The following POLD1 variants were observed in gnomAD, a reference collection of about 807,000 sequenced individuals.
POLD1 encodes the protein DNA polymerase delta 1, catalytic subunit.
A neutral mutation model predicts 129.7 loss-of-function variants in POLD1; 79 were observed. The ratio of observed to expected loss-of-function variants is 0.61; its 90% CI spans 0.51 to 0.73. POLD1 has a LOEUF of 0.73. Ranked by LOEUF, POLD1 falls within the 30% of genes least tolerant of loss-of-function variation. The probability of loss-of-function intolerance (pLI) is 0.00; values close to 1 mark genes in which losing one functional copy is unlikely to be tolerated. For missense variants in POLD1, 1,338 were observed against 1,595.8 expected (o/e 0.84, Z 2.75); for synonymous variants, 714 against 683.3 (o/e 1.04, Z -0.70).
intron 18 of POLD1, 57 bp from the exon 19 acceptor site, chr19:50,413,685 C>A (rs1422277215): frequency 1.3e-6 from 2 of 1,561,040 alleles, no homozygotes; most frequent in Admixed American, 1.8e-5. Flanking sequence ...CCCCCGACAC[C>A]AGTAGTTGAC....
At chr19:50,405,621 C>T (rs1028609866) in intron 10 of POLD1, among the ~76,000 whole-genome samples, 55 of 152,252 alleles carry the variant, frequency 3.6e-4, no homozygotes, top group African/African-American at 1.2e-3. Flanking sequence ...TCTTAGGACC[C>T]CCAGTGTATA....
intron 1 of POLD1, among the ~76,000 whole-genome samples, chr19:50,384,949 C>T (rs1378919059): frequency 1.3e-5 from 2 of 152,034 alleles, no homozygotes; most frequent in African/African-American, 4.8e-5. Context: ...GTGCAAAGCC[C>T]TGAGGTGGAA....
chr19:50,417,751 G>T (rs1601253299), intron 26 of POLD1, 91 bp from the exon 27 acceptor site: 4 of 746,690 alleles, frequency 5.4e-6, no homozygotes, highest in South Asian at 1.5e-5. Flanking sequence ...AGCAGGCGGG[G>T]ACCAAAGTCC....
In POLD1 at chr19:50,400,840, G is replaced by T. The variant is rs577671563; in HGVS notation, c.317-938G>T. On this transcript the variant is annotated intron_variant, in intron 3 of 26. Coordinates refer to ENST00000440232, the MANE Select transcript of POLD1 (RefSeq NM_002691.4). ...GCCTCCCGAGTTGCTGGGACTACAG[G>T]CACCCGCCCCAACTCCTGGCTAATT... is the stretch of plus-strand genomic sequence containing the variant. Among the ~76,000 whole-genome samples, 226 of 151,526 alleles carry T rather than the reference G, an allele frequency of 1.5e-3. 1 individual carries two copies. Among genetic ancestry groups the T allele is most frequent in the African/African-American group, 5.2e-3 (215 of 41,368 alleles).
rs957747242 is a variant in POLD1, at chr19:50,399,312, A to G, written c.203-59A>G. The G allele has an allele frequency of 2.8e-6, 4 of 1,416,822 alleles. No individual in the cohort carries two copies. The African/African-American group carries it at 4.3e-5, about 15-fold the overall frequency. The allele number at this position is 1,416,822 out of a possible 1,614,324, so 87.8% of individuals were successfully genotyped here. On this transcript the variant is annotated intron_variant, in intron 2 of 26. Coordinates refer to ENST00000440232, the MANE Select transcript of POLD1 (RefSeq NM_002691.4). Reference sequence around the variant, plus strand: ...CTGGCTCCTTTCAGAACCACATGCCATCCTGGCCGGGGAAGACCATGACTC... The same window carrying G: ...CTGGCTCCTTTCAGAACCACATGCCGTCCTGGCCGGGGAAGACCATGACTC...
rs535971218 is a variant in POLD1, at chr19:50,406,710, G to A, written c.1494+193G>A. On this transcript the variant is annotated intron_variant, in intron 12 of 26. Transcript: ENST00000440232. This position sits in a 1 kb window ranked among gnomAD's most constrained non-coding sequence, Gnocchi z 5.5. ...ATTTCTCTCCACTCCTGTGACCTCTGTCACTATGACCTTGTCTCTGCTTTC... is the reference window on the plus strand; with the variant it reads ...ATTTCTCTCCACTCCTGTGACCTCTATCACTATGACCTTGTCTCTGCTTTC... 1.2e-4 allele frequency among the ~76,000 whole-genome samples: 19 copies of A among 152,192 alleles called. No individual in the cohort carries two copies. The highest frequency in any genetic ancestry group is 3.4e-3 in the Middle Eastern group (1 of 294).
chr19:50,401,011 A>G (rs936973172), intron 3 of POLD1, among the ~76,000 whole-genome samples: 5 of 151,644 alleles, frequency 3.3e-5, no homozygotes, highest in African/African-American at 1.2e-4. Context: ...AACTTTTAAA[A>G]ATATACTTTT....
intron 3 of POLD1, 116 bp from the exon 4 acceptor site, chr19:50,401,662 C>T (rs1050894488): frequency 9.0e-6 from 10 of 1,109,930 alleles, no homozygotes; most frequent in South Asian, 2.6e-5. Flanking sequence ...ACACAGGGAA[C>T]GGTACAGGGG....
intron 17 of POLD1, among the ~76,000 whole-genome samples, chr19:50,412,975 C>T (rs1006862358): frequency 6.6e-6 from 1 of 152,066 alleles, no homozygotes; most frequent in Non-Finnish European, 1.5e-5. Context: ...TGGTGCCACC[C>T]CCTGCTCTGG....
At chr19:50,417,614 A>AGTC (rs2039361731) in intron 26 of POLD1, among the ~76,000 whole-genome samples, 1 of 151,284 alleles carries the variant, frequency 6.6e-6, no homozygotes. Context: ...GCCAGGTGAC[A>AGTC]GGTGATATAC....
rs78996304 is a variant in POLD1, at chr19:50,402,239, G to A, written c.624G>A (p.Pro208=). Residue 208 remains proline (P), a synonymous_variant, in exon 6 of 27, where the codon CCG becomes CCA. Coordinates refer to ENST00000440232, the MANE Select transcript of POLD1 (RefSeq NM_002691.4). ...MFGYHGHGPS[P]FLRITVALPR... ...GGTACCACGGGCACGGCCCCTCCCC[G>A]TTCCTGCGCATCACCGTGGCGCTGC... The A allele has an allele frequency of 1.3e-4, 213 of 1,593,564 alleles. 1 individual carries two copies. The East Asian group carries it at 3.6e-3, about 27-fold the overall frequency.
rs555423650 is a variant in POLD1 at position 50,404,072 on chromosome 19, C to T, written c.1242+475C>T. Among the ~76,000 whole-genome samples, 16 of 152,168 alleles carry T rather than the reference C, an allele frequency of 1.1e-4. No individual in the cohort carries two copies. In the East Asian group the frequency reaches 3.1e-3, roughly 29 times the overall value. On this transcript the variant is annotated intron_variant, in intron 10 of 26. Coordinates refer to ENST00000440232, the MANE Select transcript of POLD1 (RefSeq NM_002691.4). ...CCACAGACCAGGTGGCTGAAAACAGCAAAAAGTCATTGTCTCACCGTCCTG... is the reference window on the plus strand; with the variant it reads ...CCACAGACCAGGTGGCTGAAAACAGTAAAAAGTCATTGTCTCACCGTCCTG...
chr19:50,387,292 A>G (rs1229432381), intron 1 of POLD1, among the ~76,000 whole-genome samples: 1 of 152,182 alleles, frequency 6.6e-6, no homozygotes, highest in Non-Finnish European at 1.5e-5. Flanking sequence ...AAATATATAA[A>G]TAAAAATAAA....
chr19:50,397,253 G>A (rs2038403898), intron 1 of POLD1, among the ~76,000 whole-genome samples: 1 of 151,768 alleles, frequency 6.6e-6, no homozygotes, highest in African/African-American at 2.4e-5. Flanking sequence ...ACAAAAATTA[G>A]CTGGGCATGG....
chr19:50,408,342 AT>A (rs1327835858), intron 14 of POLD1, among the ~76,000 whole-genome samples: 3 of 152,062 alleles, frequency 2.0e-5, no homozygotes, highest in Middle Eastern at 3.4e-3. Context: ...CTCAAAAAAA[AT>A]AAAATAAAAT....
intron 1 of POLD1, among the ~76,000 whole-genome samples, chr19:50,389,640 G>A (rs1238299118): frequency 1.3e-5 from 2 of 150,600 alleles, no homozygotes; most frequent in Non-Finnish European, 3.0e-5. Context: ...AGGCTGGAGT[G>A]CAGTGGCACT....
At chr19:50,410,957 C>CTTTTTTTTTTTTTTTTTTT (rs74367625) in intron 17 of POLD1, 1 of 124,248 alleles carries the variant, frequency 8.0e-6, no homozygotes, top group African/African-American at 3.5e-5. Context: ...ACACAAACAC[C>CTTTTTTTTTTTTTTTTTTT]TTTTTTTTTT....
rs1254476274 is a variant in POLD1, at chr19:50,402,711, A to G, written c.940A>G (p.Ser314Gly). Residue 314 changes from serine (S) to glycine (G), a missense_variant, in exon 8 of 27, where the codon AGC becomes GGC. Coordinates refer to ENST00000440232, the MANE Select transcript of POLD1 (RefSeq NM_002691.4). ...WQRIAPLRVLSFDIECAGRKG... is the reference protein window; with the variant it reads ...WQRIAPLRVLGFDIECAGRKG... ...GCGCATTGCGCCCTTGCGCGTGCTCAGCTTCGATATCGAGTGCGCCGGCCG... is the reference window on the plus strand; with the variant it reads ...GCGCATTGCGCCCTTGCGCGTGCTCGGCTTCGATATCGAGTGCGCCGGCCG... 4 of 1,597,472 alleles carry G rather than the reference A, an allele frequency of 2.5e-6. No individual in the cohort carries two copies. The highest frequency in any genetic ancestry group is 3.4e-6 in the Non-Finnish European group (4 of 1,168,612).
Position 50,399,413 on chromosome 19 carries a change from C to T in POLD1, c.245C>T (p.Pro82Leu), listed in dbSNP as rs201006221. 188 of 1,614,078 alleles carry T rather than the reference C, an allele frequency of 1.2e-4. No homozygotes were observed. The highest frequency in any genetic ancestry group is 2.0e-4 in the Admixed American group (12 of 60,002). ...GCCATAGATCCTCGCTGGCTTCGGC[C>T]CACACCACCAGCGCTGGACCCCCAG... ...PSAIDPRWLR[P>L]TPPALDPQTE... Residue 82 changes from proline to leucine, a missense_variant, in exon 3 of 27, where the codon CCC (proline) becomes CTC (leucine). Physicochemically the swap from Pro to Leu is moderately conservative, Grantham distance 98 (BLOSUM62 -3). Transcript: ENST00000440232.
Sources: gnomAD v4.1 joint callset for allele counts (sites outside exome capture counted in the v4.1 genomes callset) on GRCh38, gnomAD v4.1.1 for gene constraint, Gnocchi (gnomAD v3.1) non-coding constraint, MANE v1.5 for transcripts, NCBI Gene and HGNC (gene_info 2026-07-23, HGNC 2026-07-21) for gene names.